Variants in SHC3 observed in about 807,000 individuals in gnomAD.
SHC3 encodes SHC adaptor protein 3, also known as SHC-transforming protein 3.
A neutral mutation model predicts 60.4 loss-of-function variants in SHC3; 15 were observed. The ratio of observed to expected loss-of-function variants is 0.25; its 90% confidence interval spans 0.17 to 0.38. The LOEUF is 0.38. Among genes scored for constraint, SHC3 ranks in the 10% least tolerant of loss-of-function variants. The pLI is 1.00. For missense variants in SHC3, 677 were observed against 786.1 expected (o/e 0.86, Z 1.66); for synonymous variants, 294 against 325.9 (o/e 0.90, Z 1.05).
At chr9:89,101,615 A>AT (rs1187818837) in intron 2 of SHC3, among the ~76,000 whole-genome samples, 14 of 150,244 alleles carry the variant, frequency 9.3e-5, no homozygotes, top group African/African-American at 3.4e-4. Flanking sequence ...ATATATATAT[A>AT]TATATTTTTT....
intron 1 of SHC3, among the ~76,000 whole-genome samples, chr9:89,154,742 G>T (rs370656049): frequency 1.3e-5 from 2 of 152,042 alleles, no homozygotes; most frequent in Admixed American, 1.3e-4. Context: ...TCAATCTTAC[G>T]TACGACAAGG....
At chr9:89,026,176 C>T (rs1194681749) in intron 11 of SHC3, among the ~76,000 whole-genome samples, 1 of 148,790 alleles carries the variant, frequency 6.7e-6, no homozygotes, top group Non-Finnish European at 1.5e-5. Flanking sequence ...ATGGCTTGAA[C>T]CCAGGAGGTG....
rs115668095 is a variant in SHC3 at position 89,089,907 on chromosome 9, C to T, written c.546-12004G>A. 6.1e-3 allele frequency among the ~76,000 whole-genome samples: 935 copies of T among 152,310 alleles called. 8 individuals are homozygous for T. Among genetic ancestry groups the T allele is most frequent in the African/African-American group, 0.021 (878 of 41,558 alleles). Reference sequence around the variant, plus strand: ...GCCACGGCTCAGGCAAGGCAGAGTGCGTCACCCAGAGGCCTGCCGGGCAGG... The same window carrying T: ...GCCACGGCTCAGGCAAGGCAGAGTGTGTCACCCAGAGGCCTGCCGGGCAGG... On this transcript the variant is annotated intron_variant, in intron 2 of 11. Transcript: ENST00000375835.
At chr9:89,157,742 A>T (rs533561455) in intron 1 of SHC3, among the ~76,000 whole-genome samples, 2 of 152,138 alleles carry the variant, frequency 1.3e-5, no homozygotes, top group African/African-American at 4.8e-5. Context: ...CAGCCTCCTG[A>T]GTACCTGGGA....
At chr9:89,156,032 C>A (rs1826617774) in intron 1 of SHC3, among the ~76,000 whole-genome samples, 1 of 152,124 alleles carries the variant, frequency 6.6e-6, no homozygotes, top group Non-Finnish European at 1.5e-5. Context: ...GCATTTGTGC[C>A]CTTATAGAGT....
intron 11 of SHC3, among the ~76,000 whole-genome samples, chr9:89,028,247 T>A (rs1826353325): frequency 1.3e-5 from 2 of 152,246 alleles, no homozygotes; most frequent in South Asian, 4.2e-4. Flanking sequence ...CTTCTGATAC[T>A]GGGGACAGAC....
chr9:89,057,940 G>T (rs1248075769), intron 6 of SHC3, among the ~76,000 whole-genome samples: 1 of 152,164 alleles, frequency 6.6e-6, no homozygotes, highest in East Asian at 1.9e-4. Context: ...TATAATAGAT[G>T]AGAAGAGGGG....
intron 1 of SHC3, among the ~76,000 whole-genome samples, chr9:89,141,197 T>C (rs1389140952): frequency 6.6e-6 from 1 of 152,200 alleles, no homozygotes; most frequent in East Asian, 1.9e-4. Flanking sequence ...GCCATTGTAA[T>C]GGCAGAGACC....
At position 89,013,440 on chromosome 9, in the gene SHC3, G is replaced by T. The variant is rs1587672677; in HGVS notation, c.*7C>A. The T allele has an allele frequency of 4.3e-6, 7 of 1,610,180 alleles. No homozygotes were observed. The East Asian group carries it at 1.6e-4, about 36-fold the overall frequency. On this transcript the variant is annotated 3_prime_UTR_variant, in exon 12 of 12. Coordinates refer to ENST00000375835, the MANE Select transcript of SHC3 (RefSeq NM_016848.6). ...GGTGCGCAGTGCTGGGAGCAGTGCT[G>T]GCCAGGTCACTGCTTCCTCTCCACT...
chr9:89,071,108 T>C, intron 5 of SHC3, 91 bp downstream of exon 5: 1 of 1,226,910 alleles, frequency 8.2e-7, no homozygotes, highest in East Asian at 2.4e-5. Flanking sequence ...TTAACCTTTT[T>C]TACAGTGTCT....
At chr9:89,177,459 G>A (rs1239128085) in intron 1 of SHC3, among the ~76,000 whole-genome samples, 1 of 152,202 alleles carries the variant, frequency 6.6e-6, no homozygotes, top group African/African-American at 2.4e-5. Flanking sequence ...AGTAAAGCCC[G>A]TCGAAGAGAA....
intron 4 of SHC3, among the ~76,000 whole-genome samples, chr9:89,073,961 A>G (rs1211166626): frequency 1.3e-5 from 2 of 152,254 alleles, no homozygotes; most frequent in Non-Finnish European, 2.9e-5. Flanking sequence ...CTCCAGAGCT[A>G]GTGAACTAGT....
intron 6 of SHC3, 133 bp from the exon 7 acceptor site, chr9:89,052,296 C>A: frequency 9.2e-7 from 1 of 1,086,450 alleles, no homozygotes; most frequent in Non-Finnish European, 1.3e-6. Context: ...CTAGCAGATC[C>A]AACCACAGCT....
chr9:89,149,198 C>T (rs563666870), intron 1 of SHC3, among the ~76,000 whole-genome samples: 8 of 152,250 alleles, frequency 5.3e-5, no homozygotes, highest in African/African-American at 1.9e-4. Context: ...ATTTTCAATT[C>T]GCTTTTCCTA....
intron 1 of SHC3, among the ~76,000 whole-genome samples, chr9:89,132,781 T>C (rs534232814): frequency 2.0e-5 from 3 of 152,282 alleles, no homozygotes; most frequent in South Asian, 4.1e-4. Flanking sequence ...AATACTTAAA[T>C]GTTAGACCTA....
intron 1 of SHC3, among the ~76,000 whole-genome samples, chr9:89,156,718 G>A (rs1465856221): frequency 6.6e-6 from 1 of 152,154 alleles, no homozygotes; most frequent in Non-Finnish European, 1.5e-5. Flanking sequence ...CAGATCTCAG[G>A]TAAGGAGAGG....
chr9:89,017,975 A>G (rs1225607215), intron 11 of SHC3, among the ~76,000 whole-genome samples: 1 of 152,240 alleles, frequency 6.6e-6, no homozygotes, highest in Admixed American at 6.5e-5. Flanking sequence ...GGTGATCATT[A>G]AAAAGTCAGG....
intron 1 of SHC3, among the ~76,000 whole-genome samples, chr9:89,145,198 A>T (rs1826451513): frequency 6.6e-6 from 1 of 152,212 alleles, no homozygotes; most frequent in Non-Finnish European, 1.5e-5. Flanking sequence ...ATCCCTGAAA[A>T]AGGGAAAGCC....
chr9:89,131,405 T>A (rs1263658715), intron 1 of SHC3, among the ~76,000 whole-genome samples: 1 of 152,180 alleles, frequency 6.6e-6, no homozygotes, highest in Non-Finnish European at 1.5e-5. Flanking sequence ...CTAACTCATT[T>A]TATGAGGCCA....
Sources: allele counts gnomAD v4.1 joint callset (sites outside exome capture counted in the v4.1 genomes callset), GRCh38; gene constraint gnomAD v4.1.1; transcripts MANE v1.5; gene names NCBI Gene and HGNC (gene_info 2026-07-23, HGNC 2026-07-21).